Variants in PLB1 observed in about 807,000 individuals in gnomAD.
PLB1 encodes phospholipase B1, membrane-associated.
A neutral mutation model predicts 227.4 loss-of-function variants in PLB1; 242 were observed. That is an observed-to-expected ratio of 1.06 (90% CI 0.96 to 1.18). PLB1 has a LOEUF of 1.18. Among genes scored for constraint, PLB1 ranks in the 50% most tolerant of loss-of-function variants. The probability of loss-of-function intolerance (pLI) is 0.00; values close to 1 mark genes in which losing one functional copy is unlikely to be tolerated. For synonymous variants in PLB1, 757 were observed against 682.2 expected, an observed-to-expected ratio of 1.11 and a Z score of -1.71; for missense variants, 1,858 against 1,816.3, an observed-to-expected ratio of 1.02 and a Z score of -0.42.
intron 18 of PLB1, among the ~76,000 whole-genome samples, chr2:28,563,973 C>G (rs1421911522): frequency 6.6e-6 from 1 of 152,062 alleles, no homozygotes; most frequent in African/African-American, 2.4e-5. Flanking sequence ...GGCCCAGTGG[C>G]TCACATCTAT....
chr2:28,608,747 C>T (rs1237417360), intron 43 of PLB1, among the ~76,000 whole-genome samples: 1 of 152,134 alleles, frequency 6.6e-6, no homozygotes, highest in Non-Finnish European at 1.5e-5. Context: ...TGTCAAAAGT[C>T]ACCACCTCCC....
At chr2:28,614,423 G>A (rs1303250148) in intron 44 of PLB1, among the ~76,000 whole-genome samples, 2 of 152,196 alleles carry the variant, frequency 1.3e-5, no homozygotes, top group South Asian at 2.1e-4. Flanking sequence ...CTGGTGTGAT[G>A]TGGCGTTGAC....
intron 19 of PLB1, among the ~76,000 whole-genome samples, chr2:28,565,994 T>C (rs556174456): frequency 6.6e-6 from 1 of 152,360 alleles, no homozygotes; most frequent in African/African-American, 2.4e-5. Context: ...AGATGCTTCC[T>C]GGCCCCCACC....
chr2:28,527,495 C>T (rs1261384944), intron 6 of PLB1, among the ~76,000 whole-genome samples: 2 of 152,238 alleles, frequency 1.3e-5, no homozygotes, highest in Non-Finnish European at 2.9e-5. Context: ...TCAGGCTCAG[C>T]CCACCTGACC....
rs1193851951 is a variant in PLB1 at position 28,643,602 on chromosome 2, CAG to C, written c.*546_*547del. The stretch of plus-strand genomic sequence containing the variant: ...CTAGGCTGTGCATGTCGCAGCCTGG[CAG>C]AGAGGTCAAACTCCTTCAATAACCA... On this transcript the variant is annotated 3_prime_UTR_variant, in exon 58 of 58. Coordinates refer to ENST00000327757, the MANE Select transcript of PLB1 (RefSeq NM_153021.5). 6.6e-6 allele frequency: 1 copy of C among 152,352 alleles called. No homozygotes were observed. Among genetic ancestry groups the C allele is most frequent in the Non-Finnish European group, 1.5e-5 (1 of 68,138 alleles). The allele number at this position is 152,352 out of a possible 1,614,324, so 9.4% of individuals were successfully genotyped here.
In PLB1 at chr2:28,566,847, C is replaced by T. The variant is rs769874405; in HGVS notation, c.1324+8C>T. The T allele has an allele frequency of 8.1e-6, 13 of 1,613,742 alleles. No individual in the cohort carries two copies. The highest frequency in any genetic ancestry group is 6.7e-5 in the Admixed American group (4 of 59,918). ...CCGTTACCACCCTGGCGAGTGAGTA[C>T]GCGGCGGCGGCCGGGATGTTTGGTT... On this transcript the variant is annotated splice_region_variant and intron_variant, in intron 20 of 57. Transcript: ENST00000327757.
chr2:28,518,891 T>C (rs551146137), intron 3 of PLB1, among the ~76,000 whole-genome samples: 2 of 152,364 alleles, frequency 1.3e-5, no homozygotes, highest in African/African-American at 4.8e-5. Flanking sequence ...CTGGATGCTA[T>C]GAATTCTCTT....
intron 56 of PLB1, among the ~76,000 whole-genome samples, chr2:28,635,193 A>C (rs1689152098): frequency 6.6e-6 from 1 of 152,332 alleles, no homozygotes; most frequent in Non-Finnish European, 1.5e-5. Context: ...CCTAGGCTCT[A>C]TAATTTGGGG....
At chr2:28,525,474 C>T (rs1363263781) in intron 5 of PLB1, among the ~76,000 whole-genome samples, 167 bp downstream of exon 5, 2 of 152,158 alleles carry the variant, frequency 1.3e-5, no homozygotes, top group African/African-American at 4.8e-5. Flanking sequence ...AGCCTCCTGC[C>T]TCCTTGTCTA....
At chr2:28,623,700 C>T (rs1310331495) in intron 49 of PLB1, among the ~76,000 whole-genome samples, 5 of 152,298 alleles carry the variant, frequency 3.3e-5, no homozygotes, top group East Asian at 3.9e-4. Flanking sequence ...CTTCCATGGA[C>T]ACTTTCATTG....
intron 9 of PLB1, 75 bp downstream of exon 9, chr2:28,532,269 A>G (rs571281014): frequency 2.4e-5 from 29 of 1,215,196 alleles, no homozygotes; most frequent in Non-Finnish European, 3.4e-5. Flanking sequence ...CTGCCTGATT[A>G]CCCAATCCCC....
In PLB1 at chr2:28,529,346, C is replaced by A; in HGVS notation, c.355C>A (p.Pro119Thr). 1 of 1,611,512 alleles carries A rather than the reference C, an allele frequency of 6.2e-7. No homozygotes were observed. The highest frequency in any genetic ancestry group is 8.5e-7 in the Non-Finnish European group (1 of 1,177,656). ...TTCAGACATCATCAGATATTTCAGTCCTTCTGTTCCAATGCCTGTGTGCCA... is the reference window on the plus strand; with the variant it reads ...TTCAGACATCATCAGATATTTCAGTACTTCTGTTCCAATGCCTGTGTGCCA... Reference protein sequence around the residue: ...VLSDIIRYFSPSVPMPVCHTG... With the variant: ...VLSDIIRYFSTSVPMPVCHTG... The change falls in exon 7 of 58, where the codon CCT becomes ACT. Residue 119 changes from proline (P) to threonine (T), a missense_variant. Pro to Thr is a conservative substitution (Grantham distance 38). Transcript: ENST00000327757.
rs973687288 is a variant in PLB1, at chr2:28,640,807, C to G, written c.4099-120C>G. ...GCTGTGGGCCAAAAACCAGCCACTT[C>G]GCTGGTTTCTATCCCCCACCCCGTT... On this transcript the variant is annotated intron_variant, in intron 56 of 57. Coordinates refer to ENST00000327757, the MANE Select transcript of PLB1 (RefSeq NM_153021.5). 2.7e-5 allele frequency: 28 copies of G among 1,022,566 alleles called. No homozygotes were observed. The African/African-American group carries it at 4.3e-4, about 16-fold the overall frequency. The allele number at this position is 1,022,566 out of a possible 1,614,324, so 63.3% of individuals were successfully genotyped here. A position where few individuals can be genotyped will look rare whatever the true frequency, so the allele number is the denominator to read the frequency against.
At chr2:28,522,720 C>G (rs535150599) in intron 4 of PLB1, among the ~76,000 whole-genome samples, 12 of 152,218 alleles carry the variant, frequency 7.9e-5, no homozygotes, top group Middle Eastern at 3.4e-3. Context: ...GTCACTCGGC[C>G]CCCCCTTCTC....
chr2:28,592,890 C>T lies in PLB1; in HGVS notation c.2247+171C>T, dbSNP rs1682221676. On this transcript the variant is annotated intron_variant, in intron 32 of 57. Transcript: ENST00000327757. ...TTTGATTTGCGGCCACTTTCTCAAA[C>T]GGATATGCAGAGGAAATCTTTTTTG... is the stretch of plus-strand genomic sequence containing the variant. 8.2e-6 allele frequency: 5 copies of T among 611,154 alleles called. No homozygotes were observed. The South Asian group carries it at 8.3e-5, about 10-fold the overall frequency. The allele number at this position is 611,154 out of a possible 1,614,324, so 37.9% of individuals were successfully genotyped here. A position where few individuals can be genotyped will look rare whatever the true frequency, so the allele number is the denominator to read the frequency against.
intron 31 of PLB1, among the ~76,000 whole-genome samples, chr2:28,592,052 C>T (rs1024391185): frequency 6.6e-6 from 1 of 152,174 alleles, no homozygotes; most frequent in African/African-American, 2.4e-5. Flanking sequence ...GTGGCTCAGC[C>T]CAGAGGTGGG....
At chr2:28,543,155 G>A in intron 13 of PLB1, 57 bp from the exon 14 acceptor site, 2 of 1,537,728 alleles carry the variant, frequency 1.3e-6, no homozygotes, top group Non-Finnish European at 1.8e-6. Flanking sequence ...GTGTGTAGCA[G>A]GTCCGTTGCA....
At chr2:28,547,715 G>A (rs2148217571) in intron 14 of PLB1, among the ~76,000 whole-genome samples, 1 of 152,300 alleles carries the variant, frequency 6.6e-6, no homozygotes, top group South Asian at 2.1e-4. Context: ...TGGGCAGCCA[G>A]ATGACAGTAA....
intron 21 of PLB1, among the ~76,000 whole-genome samples, chr2:28,575,212 C>G (rs1397772620): frequency 6.6e-6 from 1 of 152,144 alleles, no homozygotes; most frequent in Non-Finnish European, 1.5e-5. Context: ...GCTGTTCTTG[C>G]AGGAGTAAAG....
Sources: gnomAD v4.1 joint callset for allele counts (sites outside exome capture counted in the v4.1 genomes callset) on GRCh38, gnomAD v4.1.1 for gene constraint, MANE v1.5 for transcripts, NCBI Gene and HGNC (gene_info 2026-07-23, HGNC 2026-07-21) for gene names.